The following RNF220 variants were observed in gnomAD, a reference collection of about 807,000 sequenced individuals.
The protein encoded by RNF220 is ring finger protein 220, also known as E3 ubiquitin-protein ligase RNF220.
In RNF220, 7 loss-of-function variants were observed where a neutral mutation model predicts 67.1. The observed-to-expected ratio is 0.10, with a 90% CI of 0.06 to 0.20. RNF220 has a LOEUF of 0.20. RNF220 is among the 10% of genes least tolerant of loss of function. The pLI, the probability that RNF220 is intolerant of heterozygous loss-of-function variation, is 1.00. For missense variants in RNF220, 565 were observed against 740.3 expected (o/e 0.76, Z 2.75); for synonymous variants, 270 against 283.2 (o/e 0.95, Z 0.47).
At chr1:44,552,435 G>T (rs181035636) in intron 2 of RNF220, among the ~76,000 whole-genome samples, 96 of 152,108 alleles carry the variant, frequency 6.3e-4, no homozygotes, top group Admixed American at 2.4e-3. Context: ...GGTCAAGTCT[G>T]CAGTGAGCCA....
intron 2 of RNF220, among the ~76,000 whole-genome samples, chr1:44,430,464 T>A (rs918404561): frequency 2.6e-5 from 4 of 152,172 alleles, no homozygotes; most frequent in African/African-American, 7.2e-5. Flanking sequence ...ATGAAGAGTA[T>A]ATGGAAACCC....
At chr1:44,490,784 T>G (rs116020359) in intron 2 of RNF220, among the ~76,000 whole-genome samples, 26 of 151,546 alleles carry the variant, frequency 1.7e-4, no homozygotes, top group African/African-American at 6.1e-4. Flanking sequence ...AAGAAGAACA[T>G]CAACACACCC....
chr1:44,636,007 T>C lies in RNF220; in HGVS notation c.994-23T>C, dbSNP rs924391965. 5.0e-6 allele frequency: 8 copies of C among 1,614,072 alleles called. No individual in the cohort carries two copies. In the Admixed American group the frequency reaches 8.3e-5, roughly 17 times the overall value. ...AGGTGGGGATGGCCTGGGCCCAGCA[T>C]GATCCTGCTCTGCTCTTCACAGAGG... On this transcript the variant is annotated intron_variant, in intron 7 of 14. Coordinates refer to ENST00000361799, the MANE Select transcript of RNF220 (RefSeq NM_018150.4).
chr1:44,591,781 C>T (rs1247451520), intron 2 of RNF220, among the ~76,000 whole-genome samples: 2 of 152,194 alleles, frequency 1.3e-5, no homozygotes, highest in Non-Finnish European at 2.9e-5. Context: ...TCCTCCTCCT[C>T]CTCCAGCCAT....
At chr1:44,491,041 G>T (rs1178821200) in intron 2 of RNF220, among the ~76,000 whole-genome samples, 4 of 151,704 alleles carry the variant, frequency 2.6e-5, no homozygotes, top group African/African-American at 4.9e-5. Context: ...TCAAGAAGAA[G>T]AAAAATCTGC....
At chr1:44,463,706 T>A (rs1431394454) in intron 2 of RNF220, among the ~76,000 whole-genome samples, 3 of 152,210 alleles carry the variant, frequency 2.0e-5, no homozygotes, top group Non-Finnish European at 4.4e-5. Flanking sequence ...TTGGCTTCCA[T>A]GTAGACATTT....
chr1:44,423,219 A>G (rs989674055), intron 2 of RNF220, among the ~76,000 whole-genome samples: 4 of 152,178 alleles, frequency 2.6e-5, no homozygotes, highest in Non-Finnish European at 5.9e-5. Context: ...ATCAAGAAGG[A>G]GTTATTTATT....
chr1:44,494,394 G>A (rs1046720861), intron 2 of RNF220, among the ~76,000 whole-genome samples: 1 of 152,072 alleles, frequency 6.6e-6, no homozygotes, highest in Non-Finnish European at 1.5e-5. Flanking sequence ...TCTCAGACAT[G>A]CATGAAATAG....
intron 2 of RNF220, among the ~76,000 whole-genome samples, chr1:44,519,875 T>G (rs1267551175): frequency 6.6e-6 from 1 of 152,054 alleles, no homozygotes; most frequent in Non-Finnish European, 1.5e-5. Context: ...GGAGGGTGAC[T>G]TCTAGGGGCA....
At chr1:44,474,556 A>G (rs1487318480) in intron 2 of RNF220, among the ~76,000 whole-genome samples, 2 of 151,584 alleles carry the variant, frequency 1.3e-5, no homozygotes, top group African/African-American at 2.4e-5. Flanking sequence ...AGAAAATTTA[A>G]AAATTAGCTG....
chr1:44,474,670 T>A (rs1163759565), intron 2 of RNF220, among the ~76,000 whole-genome samples: 1 of 151,688 alleles, frequency 6.6e-6, no homozygotes, highest in Non-Finnish European at 1.5e-5. Context: ...GATCACACCA[T>A]CGCACTCCAG....
chr1:44,526,039 G>A (rs1187218330), intron 2 of RNF220, among the ~76,000 whole-genome samples: 1 of 152,016 alleles, frequency 6.6e-6, no homozygotes, highest in African/African-American at 2.4e-5. Context: ...GCCCGACCTT[G>A]ACCCTTTGAT....
intron 8 of RNF220, among the ~76,000 whole-genome samples, chr1:44,636,981 A>G (rs1644348847): frequency 6.6e-6 from 1 of 152,246 alleles, no homozygotes; most frequent in African/African-American, 2.4e-5. Context: ...CTTGGCCTCC[A>G]GCTCTTCTCT....
intron 2 of RNF220, among the ~76,000 whole-genome samples, chr1:44,528,617 T>A (rs1660590381): frequency 1.4e-5 from 1 of 70,268 alleles, no homozygotes; most frequent in South Asian, 7.5e-4. Flanking sequence ...TTGGCAACTT[T>A]TTTTTTTTTT....
chr1:44,647,014 C>T (rs1012121660), intron 12 of RNF220, among the ~76,000 whole-genome samples: 13 of 152,162 alleles, frequency 8.5e-5, no homozygotes, highest in Admixed American at 3.9e-4. Context: ...TTGGGTATTT[C>T]GCCAGAGCCA....
intron 2 of RNF220, among the ~76,000 whole-genome samples, chr1:44,596,144 A>C (rs1666469110): frequency 6.6e-6 from 1 of 152,198 alleles, no homozygotes; most frequent in African/African-American, 2.4e-5. Context: ...CTAAAAAGCA[A>C]CTCAAGGAAG....
At chr1:44,492,921 A>ATT (rs34130621) in intron 2 of RNF220, among the ~76,000 whole-genome samples, 2 of 144,986 alleles carry the variant, frequency 1.4e-5, no homozygotes, top group South Asian at 2.2e-4. Flanking sequence ...CAAAATCTGA[A>ATT]TTTTTTTTTT....
At chr1:44,477,257 A>G (rs1207387020) in intron 2 of RNF220, among the ~76,000 whole-genome samples, 2 of 152,240 alleles carry the variant, frequency 1.3e-5, no homozygotes, top group African/African-American at 2.4e-5. Context: ...TGAATAAATG[A>G]ACATGGTCCC....
At chr1:44,449,279 A>G (rs1476424427) in intron 2 of RNF220, among the ~76,000 whole-genome samples, 1 of 152,246 alleles carries the variant, frequency 6.6e-6, no homozygotes, top group Non-Finnish European at 1.5e-5. Flanking sequence ...ACCTGCACAC[A>G]GTCAGTAATC....
Sources: allele counts gnomAD v4.1 joint callset (sites outside exome capture counted in the v4.1 genomes callset), GRCh38; gene constraint gnomAD v4.1.1; transcripts MANE v1.5; gene names NCBI Gene and HGNC (gene_info 2026-07-23, HGNC 2026-07-21).